TYR: variants seen among roughly 807,000 people sequenced by gnomAD.
The protein encoded by TYR is LB24-AB.
Under a neutral mutation model 51.5 loss-of-function variants are expected in TYR, and 58 were observed. The observed-to-expected ratio is 1.13, with a 90% CI of 0.91 to 1.40. TYR has a LOEUF of 1.40. Among genes scored for constraint, TYR ranks in the 40% most tolerant of loss-of-function variants. The probability of loss-of-function intolerance (pLI) is 0.00; values close to 1 mark genes in which losing one functional copy is unlikely to be tolerated. For synonymous variants in TYR, 263 were observed against 235.2 expected, an observed-to-expected ratio of 1.12 and a Z score of -1.08; for missense variants, 732 against 647.4, an observed-to-expected ratio of 1.13 and a Z score of -1.42.
chr11:89,281,091 G>C (rs1944716430), intron 3 of TYR, among the ~76,000 whole-genome samples: 1 of 151,704 alleles, frequency 6.6e-6, no homozygotes, highest in African/African-American at 2.4e-5. Flanking sequence ...GTAGGCCAGT[G>C]CATTGGGGCT....
intron 3 of TYR, among the ~76,000 whole-genome samples, chr11:89,260,101 T>C (rs1451761531): frequency 6.6e-6 from 1 of 152,110 alleles, no homozygotes; most frequent in Non-Finnish European, 1.5e-5. Flanking sequence ...TAGTTTATCT[T>C]CTTTTAATTC....
At chr11:89,278,378 T>C (rs1944681319) in intron 3 of TYR, among the ~76,000 whole-genome samples, 1 of 151,732 alleles carries the variant, frequency 6.6e-6, no homozygotes, top group South Asian at 2.1e-4. Flanking sequence ...GCAGAAAACT[T>C]CACCAATGCT....
chr11:89,231,089 T>A (rs896542964), intron 3 of TYR, among the ~76,000 whole-genome samples: 2 of 150,592 alleles, frequency 1.3e-5, no homozygotes, highest in African/African-American at 4.9e-5. Flanking sequence ...GAGAATTGTT[T>A]TAACTTGGGA....
intron 2 of TYR, among the ~76,000 whole-genome samples, chr11:89,215,647 G>C (rs1943823078): frequency 6.6e-6 from 1 of 152,060 alleles, no homozygotes; most frequent in African/African-American, 2.4e-5. Context: ...ATTTTTTATA[G>C]ATTTAGGGGT....
chr11:89,277,176 T>C lies in TYR; in HGVS notation c.1185-7597T>C, dbSNP rs1195915841. Among the ~76,000 whole-genome samples, 6 of 151,754 alleles carry C rather than the reference T, an allele frequency of 4.0e-5. No homozygotes were observed. The South Asian group carries it at 1.2e-3, about 31-fold the overall frequency. The stretch of plus-strand genomic sequence containing the variant: ...GTTTAAATGGAAATGTTTATTATCA[T>C]TTAAAAATTACAAGTTTGTTTTAAC... On this transcript the variant is annotated intron_variant, in intron 3 of 4. Transcript: ENST00000263321.
Position 89,204,134 on chromosome 11 carries a change from T to C in TYR, c.1036+12716T>C, listed in dbSNP as rs140815535. Among the ~76,000 whole-genome samples the C allele has an allele frequency of 2.6e-5, 4 of 152,270 alleles. No homozygotes were observed. The East Asian group carries it at 7.7e-4, about 29-fold the overall frequency. Reference sequence around the variant, plus strand: ...GAATCCTTTCTTCCCTTCTGGATTGTTGTCAGAGGAGGCCTACTGGATAGT... The same window carrying C: ...GAATCCTTTCTTCCCTTCTGGATTGCTGTCAGAGGAGGCCTACTGGATAGT... On this transcript the variant is annotated intron_variant, in intron 2 of 4. Coordinates refer to ENST00000263321, the MANE Select transcript of TYR (RefSeq NM_000372.5).
At chr11:89,247,152 A>G (rs763074379) in intron 3 of TYR, among the ~76,000 whole-genome samples, 1 of 152,048 alleles carries the variant, frequency 6.6e-6, no homozygotes, top group African/African-American at 2.4e-5. Context: ...TTTTGATGTT[A>G]TTGTTAGATT....
intron 4 of TYR, among the ~76,000 whole-genome samples, chr11:89,287,861 G>A (rs1376254161): frequency 1.3e-5 from 2 of 151,946 alleles, no homozygotes; most frequent in African/African-American, 2.4e-5. Flanking sequence ...AGTTGCAGTG[G>A]TGGTGGCAGG....
intron 3 of TYR, among the ~76,000 whole-genome samples, chr11:89,247,365 CG>C (rs1944280014): frequency 6.6e-6 from 1 of 152,112 alleles, no homozygotes; most frequent in Middle Eastern, 3.2e-3. Flanking sequence ...AGGCAGGCAT[CG>C]ACTGGGTTAT....
At chr11:89,181,591 G>T (rs554991815) in intron 1 of TYR, among the ~76,000 whole-genome samples, 6 of 152,198 alleles carry the variant, frequency 3.9e-5, no homozygotes, top group Admixed American at 6.5e-5. Context: ...TTCACATAAA[G>T]CCTTCTTTTT....
chr11:89,229,704 AT>A (rs1211327822), intron 3 of TYR, among the ~76,000 whole-genome samples: 2 of 152,086 alleles, frequency 1.3e-5, no homozygotes, highest in Non-Finnish European at 2.9e-5. Context: ...AACTTGCAAG[AT>A]ACAAATGCAA....
At chr11:89,205,680 T>A (rs562180106) in intron 2 of TYR, among the ~76,000 whole-genome samples, 1 of 151,968 alleles carries the variant, frequency 6.6e-6, no homozygotes, top group South Asian at 2.1e-4. Context: ...TCTCCTCAGA[T>A]GAAGTAAAAT....
chr11:89,258,100 A>G (rs1944415915), intron 3 of TYR, among the ~76,000 whole-genome samples: 1 of 152,062 alleles, frequency 6.6e-6, no homozygotes, highest in South Asian at 2.1e-4. Context: ...CTTTAAATTC[A>G]TGTTGAAGGT....
chr11:89,267,266 A>C (rs184927679), intron 3 of TYR, among the ~76,000 whole-genome samples: 1 of 152,116 alleles, frequency 6.6e-6, no homozygotes, highest in African/African-American at 2.4e-5. Context: ...GAACTTATTT[A>C]ACTGTTATTA....
At chr11:89,282,074 T>C (rs549808582) in intron 3 of TYR, among the ~76,000 whole-genome samples, 1 of 151,958 alleles carries the variant, frequency 6.6e-6, no homozygotes, top group Non-Finnish European at 1.5e-5. Context: ...ATACCTTCAT[T>C]TGAAAAGGTT....
At chr11:89,278,065 T>A (rs368550646) in intron 3 of TYR, among the ~76,000 whole-genome samples, 52 of 151,850 alleles carry the variant, frequency 3.4e-4, no homozygotes, top group African/African-American at 1.2e-3. Context: ...TTGATCCCTA[T>A]AGACATATTG....
At position 89,295,271 on chromosome 11, in the gene TYR, C is replaced by T. The variant is rs374029536; in HGVS notation, c.1495C>T (p.Leu499=). Residue 499 remains leucine (L), a synonymous_variant, in exon 5 of 5, where the codon CTG becomes TTG. Coordinates refer to ENST00000263321, the MANE Select transcript of TYR (RefSeq NM_000372.5). The part of the protein sequence containing the change: ...TALLAGLVSL[L]CRHKRKQLPE... Reference sequence around the variant, plus strand: ...CCTGCTGGCAGGGCTTGTGAGCTTGCTGTGTCGTCACAAGAGAAAGCAGCT... The same window carrying T: ...CCTGCTGGCAGGGCTTGTGAGCTTGTTGTGTCGTCACAAGAGAAAGCAGCT... 2.9e-5 allele frequency: 47 copies of T among 1,613,758 alleles called. No homozygotes were observed. The highest frequency in any genetic ancestry group is 3.4e-6 in the Non-Finnish European group (4 of 1,179,836).
chr11:89,185,762 T>G (rs2135248232), intron 1 of TYR, among the ~76,000 whole-genome samples: 1 of 152,284 alleles, frequency 6.6e-6, no homozygotes, highest in Non-Finnish European at 1.5e-5. Flanking sequence ...TCTATTTTAT[T>G]AAATCTAAGG....
At position 89,193,705 on chromosome 11, in the gene TYR, G is replaced by T. The variant is rs574955109; in HGVS notation, c.1036+2287G>T. On this transcript the variant is annotated intron_variant, in intron 2 of 4. Coordinates refer to ENST00000263321, the MANE Select transcript of TYR (RefSeq NM_000372.5). The stretch of plus-strand genomic sequence containing the variant: ...AAAATGTGAGAAACCATTAAGCTCA[G>T]CTGCTAAGAAGAACTTTTCTTTACC... Among the ~76,000 whole-genome samples the T allele has an allele frequency of 7.2e-5, 11 of 152,222 alleles. No individual in the cohort carries two copies. The East Asian group carries it at 1.9e-3, about 27-fold the overall frequency.
Sources: allele counts gnomAD v4.1 joint callset (sites outside exome capture counted in the v4.1 genomes callset), GRCh38; gene constraint gnomAD v4.1.1; transcripts MANE v1.5; gene names NCBI Gene and HGNC (gene_info 2026-07-23, HGNC 2026-07-21).